Variants in MACROD2 observed in about 807,000 individuals in gnomAD.
MACROD2 encodes mono-ADP ribosylhydrolase 2.
A neutral mutation model predicts 70.4 loss-of-function variants in MACROD2; 36 were observed. The ratio of observed to expected loss-of-function variants is 0.51; its 90% CI spans 0.39 to 0.68. The LOEUF is 0.68. Ranked by LOEUF, MACROD2 falls within the 30% of genes least tolerant of loss-of-function variation. The probability of loss-of-function intolerance (pLI) is 0.00; values close to 1 mark genes in which losing one functional copy is unlikely to be tolerated. For missense variants in MACROD2, 496 were observed against 538.4 expected (o/e 0.92, Z 0.78); for synonymous variants, 172 against 178.8 (o/e 0.96, Z 0.30).
rs188736413 is a variant in MACROD2 at position 15,346,956 on chromosome 20, G to A, written c.541-84449G>A. ...GTAGGCAAAGCTGGCTTGGGTAGCT[G>A]AGTGCATGGTCAGGTGCTAGAGAGA... On this transcript the variant is annotated intron_variant, in intron 6 of 17. Transcript: ENST00000684519. 6.7e-3 allele frequency among the ~76,000 whole-genome samples: 1,021 copies of A among 152,276 alleles called. 11 individuals carry two copies. The highest frequency in any genetic ancestry group is 0.061 in the Middle Eastern group (18 of 294).
intron 4 of MACROD2, among the ~76,000 whole-genome samples, chr20:14,649,425 T>G (rs12626056): frequency 6.6e-6 from 1 of 152,082 alleles, no homozygotes; most frequent in Non-Finnish European, 1.5e-5. Flanking sequence ...GGAGAGCATC[T>G]CCGTTGCTTA....
chr20:15,543,601 A>T (rs1167883078), intron 8 of MACROD2, among the ~76,000 whole-genome samples: 1 of 87,612 alleles, frequency 1.1e-5, no homozygotes, highest in Admixed American at 1.4e-4. Context: ...ACCTCCTCTT[A>T]AAAAAAAAAA....
intron 12 of MACROD2, among the ~76,000 whole-genome samples, chr20:15,940,970 GT>G (rs1160272812): frequency 6.6e-6 from 1 of 152,164 alleles, no homozygotes; most frequent in Non-Finnish European, 1.5e-5. Flanking sequence ...TAATTTGAAT[GT>G]GACCATGTTT....
intron 5 of MACROD2, chr20:14,888,545 C>G (rs1037883826): frequency 6.6e-6 from 1 of 152,166 alleles, no homozygotes; most frequent in Non-Finnish European, 1.5e-5. Flanking sequence ...GCTAGTGATG[C>G]CCCTCTGTTG....
intron 8 of MACROD2, among the ~76,000 whole-genome samples, chr20:15,509,984 C>T (rs1274581489): frequency 6.6e-6 from 1 of 152,206 alleles, no homozygotes; most frequent in Non-Finnish European, 1.5e-5. Context: ...GCAACATTTG[C>T]ATGTGCTGTC....
intron 5 of MACROD2, among the ~76,000 whole-genome samples, chr20:14,700,522 G>GGTGTGTGTGTGTGTGT (rs149689043): frequency 9.0e-6 from 1 of 111,378 alleles, no homozygotes; most frequent in Non-Finnish European, 2.1e-5. Context: ...GACATATGGT[G>GGTGTGTGTGTGTGTGT]GTGTGTGTGT....
intron 6 of MACROD2, among the ~76,000 whole-genome samples, chr20:15,293,305 T>TA (rs2077557506): frequency 6.6e-6 from 1 of 152,260 alleles, no homozygotes; most frequent in Non-Finnish European, 1.5e-5. Context: ...AGTATGGTAT[T>TA]ATAACACACT....
intron 5 of MACROD2, among the ~76,000 whole-genome samples, chr20:15,133,036 TTAAAA>T (rs1240469272): frequency 6.6e-6 from 1 of 152,102 alleles, no homozygotes; most frequent in Non-Finnish European, 1.5e-5. Flanking sequence ...AATTTCTACC[TTAAAA>T]TAAATTCCAG....
chr20:14,835,514 C>T (rs1012219765), intron 5 of MACROD2, among the ~76,000 whole-genome samples: 1 of 151,968 alleles, frequency 6.6e-6, no homozygotes, highest in African/African-American at 2.4e-5. Flanking sequence ...CCTTGGTCTA[C>T]TAGAGAAAAA....
At chr20:14,132,594 G>A (rs561690793) in intron 3 of MACROD2, among the ~76,000 whole-genome samples, 1 of 152,170 alleles carries the variant, frequency 6.6e-6, no homozygotes, top group African/African-American at 2.4e-5. Flanking sequence ...TAATTACTTA[G>A]GGTTCTATTT....
intron 6 of MACROD2, among the ~76,000 whole-genome samples, chr20:15,230,836 A>T (rs974000289): frequency 6.6e-6 from 1 of 152,110 alleles, no homozygotes; most frequent in Non-Finnish European, 1.5e-5. Context: ...CTATAGAAAA[A>T]CACACTGTAA....
At position 14,420,973 on chromosome 20, in the gene MACROD2, A is replaced by G. The variant is rs193241382; in HGVS notation, c.272-72506A>G. On this transcript the variant is annotated intron_variant, in intron 3 of 17. Coordinates refer to ENST00000684519, the MANE Select transcript of MACROD2 (RefSeq NM_001351661.2). ...CTCCCAAAGTGTTGGGATTACAGGC[A>G]TGAGCTACTATGCCCAGCCTTGAAA... 6.1e-4 allele frequency among the ~76,000 whole-genome samples: 93 copies of G among 152,364 alleles called. 1 individual carries two copies. Among genetic ancestry groups the G allele is most frequent in the Middle Eastern group, 3.4e-3 (1 of 294 alleles).
At chr20:15,555,223 C>T (rs1249264794) in intron 8 of MACROD2, among the ~76,000 whole-genome samples, 1 of 152,078 alleles carries the variant, frequency 6.6e-6, no homozygotes, top group Admixed American at 6.6e-5. Context: ...TAGAGAAGCC[C>T]TCCTATTCTC....
At chr20:14,258,958 T>A (rs2082079782) in intron 3 of MACROD2, among the ~76,000 whole-genome samples, 1 of 152,206 alleles carries the variant, frequency 6.6e-6, no homozygotes, top group South Asian at 2.1e-4. Flanking sequence ...ATTTGTTTTT[T>A]CCCAGACAGA....
intron 3 of MACROD2, among the ~76,000 whole-genome samples, chr20:14,156,773 G>A (rs1279794657): frequency 2.0e-5 from 3 of 152,132 alleles, no homozygotes. Context: ...ATGATTACTG[G>A]AGTTGGTGAT....
At chr20:14,817,101 G>A (rs1036303184) in intron 5 of MACROD2, among the ~76,000 whole-genome samples, 7 of 152,056 alleles carry the variant, frequency 4.6e-5, no homozygotes, top group African/African-American at 1.2e-4. Flanking sequence ...TTAAGCTGCC[G>A]ATTTACAGTT....
chr20:14,600,468 A>C (rs1982422262), intron 4 of MACROD2, among the ~76,000 whole-genome samples: 1 of 151,958 alleles, frequency 6.6e-6, no homozygotes, highest in African/African-American at 2.4e-5. Context: ...TTAATTGTAC[A>C]TTGTAAGATA....
chr20:15,038,567 A>G (rs1324611382), intron 5 of MACROD2, among the ~76,000 whole-genome samples: 3 of 152,240 alleles, frequency 2.0e-5, no homozygotes, highest in Non-Finnish European at 4.4e-5. Context: ...GTGAATGGCC[A>G]GAGGCCACCT....
chr20:15,234,833 A>T (rs988628960), intron 6 of MACROD2, among the ~76,000 whole-genome samples: 1 of 152,206 alleles, frequency 6.6e-6, no homozygotes, highest in Non-Finnish European at 1.5e-5. Context: ...TTTGTATCCA[A>T]TATCACCACG....
Sources: allele counts gnomAD v4.1 joint callset (sites outside exome capture counted in the v4.1 genomes callset), GRCh38; gene constraint gnomAD v4.1.1; transcripts MANE v1.5; gene names NCBI Gene and HGNC (gene_info 2026-07-23, HGNC 2026-07-21).